Variants in XPO4 observed in about 807,000 individuals in gnomAD.
XPO4 encodes exportin-4.
In XPO4, 39 loss-of-function variants were observed where a neutral mutation model predicts 143.0. The ratio of observed to expected loss-of-function variants is 0.27; its 90% CI spans 0.21 to 0.36. The LOEUF (loss-of-function observed/expected upper bound fraction) is 0.36. Ranked by LOEUF, XPO4 falls within the 10% of genes least tolerant of loss-of-function variation. XPO4 has a pLI of 1.00. For synonymous variants in XPO4, 439 were observed against 474.0 expected, an observed-to-expected ratio of 0.93 and a Z score of 0.96; for missense variants, 907 against 1,348.0, an observed-to-expected ratio of 0.67 and a Z score of 5.12.
intron 7 of XPO4, among the ~76,000 whole-genome samples, chr13:20,823,812 T>C (rs2059750800): frequency 1.3e-5 from 2 of 152,112 alleles, no homozygotes; most frequent in African/African-American, 2.4e-5. Context: ...CCACGGCGCC[T>C]GGCTAATTTT....
chr13:20,792,225 C>A (rs1324903585), intron 18 of XPO4, among the ~76,000 whole-genome samples: 1 of 152,136 alleles, frequency 6.6e-6, no homozygotes, highest in Non-Finnish European at 1.5e-5. Flanking sequence ...GTGGGCAGAT[C>A]CCCTGAGGCC....
chr13:20,785,816 GAAGA>G (rs2059193632), intron 22 of XPO4, among the ~76,000 whole-genome samples: 1 of 137,160 alleles, frequency 7.3e-6, no homozygotes. Context: ...AGGAAGGAAG[GAAGA>G]AAGGAAGGGA....
intron 1 of XPO4, among the ~76,000 whole-genome samples, chr13:20,877,990 A>AG (rs2060368827): frequency 6.6e-6 from 1 of 152,194 alleles, no homozygotes; most frequent in Non-Finnish European, 1.5e-5. Flanking sequence ...TGAGGTCAGG[A>AG]GCTCAAGACC....
At chr13:20,835,932 A>G (rs1448048685) in intron 6 of XPO4, among the ~76,000 whole-genome samples, 1 of 152,162 alleles carries the variant, frequency 6.6e-6, no homozygotes, top group East Asian at 1.9e-4. Flanking sequence ...TGAACACTAA[A>G]TATCATTTAT....
At chr13:20,824,971 T>G (rs1385880856) in intron 7 of XPO4, among the ~76,000 whole-genome samples, 3 of 152,208 alleles carry the variant, frequency 2.0e-5, no homozygotes, top group Non-Finnish European at 2.9e-5. Flanking sequence ...AGGAGTCATC[T>G]GGGAACCGGT....
intron 4 of XPO4, among the ~76,000 whole-genome samples, chr13:20,854,402 C>T (rs1042597905): frequency 6.6e-6 from 1 of 152,152 alleles, no homozygotes; most frequent in African/African-American, 2.4e-5. Context: ...TCCTAAAATA[C>T]ACCACAGCAT....
chr13:20,795,618 G>A (rs1369976894), intron 18 of XPO4, among the ~76,000 whole-genome samples: 5 of 152,148 alleles, frequency 3.3e-5, no homozygotes, highest in Non-Finnish European at 7.4e-5. Flanking sequence ...AAGTGCTAGG[G>A]TTTCTGGGGT....
chr13:20,849,477 C>T (rs775916492), intron 4 of XPO4: 327 of 984,534 alleles, frequency 3.3e-4, no homozygotes, highest in Non-Finnish European at 3.8e-4. Flanking sequence ...AAAATTTTAG[C>T]TTAAAATAAA....
In XPO4 at chr13:20,778,674, C is replaced by G. The variant is rs1374535922; in HGVS notation, c.*5048G>C. 6.6e-6 allele frequency: 1 copy of G among 152,136 alleles called. No individual in the cohort carries two copies. Among genetic ancestry groups the G allele is most frequent in the Admixed American group, 6.5e-5 (1 of 15,282 alleles). The allele number at this position is 152,136 out of a possible 1,614,324, so 9.4% of individuals were successfully genotyped here. On this transcript the variant is annotated 3_prime_UTR_variant, in exon 23 of 23. Coordinates refer to ENST00000255305, the MANE Select transcript of XPO4 (RefSeq NM_022459.5). The stretch of plus-strand genomic sequence containing the variant: ...GGATATTCTGTGAGTACCACGGGTT[C>G]TCCCAGAAGGTGATGCAAATCTTGA...
intron 2 of XPO4, among the ~76,000 whole-genome samples, chr13:20,864,499 T>G (rs2060227702): frequency 6.6e-6 from 1 of 152,056 alleles, no homozygotes; most frequent in Non-Finnish European, 1.5e-5. Context: ...CTAAATCAAT[T>G]CCTCCATTTT....
intron 3 of XPO4, 70 bp downstream of exon 3, chr13:20,862,646 CA>C (rs1409156696): frequency 1.6e-5 from 25 of 1,583,800 alleles, no homozygotes; most frequent in South Asian, 1.4e-4. Flanking sequence ...AAAATGCAAA[CA>C]AAAAAAGCTC....
chr13:20,852,396 C>G (rs2060097978), intron 4 of XPO4: 1 of 985,264 alleles, frequency 1.0e-6, no homozygotes. Flanking sequence ...CTATTTTTAT[C>G]TAAGTATATC....
At chr13:20,814,656 C>T (rs11842583) in intron 9 of XPO4, among the ~76,000 whole-genome samples, 9,096 of 152,320 alleles carry the variant, frequency 0.06, 686 homozygotes, top group African/African-American at 0.18. Flanking sequence ...GGCAGCAGCA[C>T]GTGCACAGAG....
intron 2 of XPO4, chr13:20,865,608 GA>G (rs1196363625): frequency 1.0e-6 from 1 of 956,950 alleles, no homozygotes; most frequent in African/African-American, 1.8e-5. Flanking sequence ...TCAGCCATCT[GA>G]AACTAAACAG....
At chr13:20,822,042 G>T in intron 8 of XPO4, 90 bp downstream of exon 8, 1 of 1,455,608 alleles carries the variant, frequency 6.9e-7, no homozygotes, top group Non-Finnish European at 9.2e-7. Flanking sequence ...AAATATAAGG[G>T]GGAAAAAATA....
rs1451421885 is a variant in XPO4 at position 20,783,886 on chromosome 13, A to G, written c.3292T>C (p.Ser1098Pro). The G allele has an allele frequency of 6.8e-6, 11 of 1,614,200 alleles. No individual in the cohort carries two copies. Among genetic ancestry groups the G allele is most frequent in the Non-Finnish European group, 9.3e-6 (11 of 1,180,032 alleles). ...EYSELVETLLSSQQDPVIYQR... is the reference protein window; with the variant it reads ...EYSELVETLLPSQQDPVIYQR... Reference sequence around the variant, plus strand: ...TAAATAACTGGGTCTTGCTGACTTGATAGTAATGTTTCGACCAGTTCAGAA... The same window carrying G: ...TAAATAACTGGGTCTTGCTGACTTGGTAGTAATGTTTCGACCAGTTCAGAA... The change falls in exon 23 of 23, where the codon TCA becomes CCA. Residue 1098 changes from serine (S) to proline (P), a missense_variant. Coordinates refer to ENST00000255305, the MANE Select transcript of XPO4 (RefSeq NM_022459.5).
intron 9 of XPO4, among the ~76,000 whole-genome samples, chr13:20,811,092 G>C (rs1434765789): frequency 6.6e-6 from 1 of 152,096 alleles, no homozygotes; most frequent in African/African-American, 2.4e-5. Context: ...GAATGAGCCT[G>C]GCATTTATAT....
At chr13:20,854,964 T>C (rs137982369) in intron 4 of XPO4, among the ~76,000 whole-genome samples, 2 of 152,330 alleles carry the variant, frequency 1.3e-5, no homozygotes, top group African/African-American at 2.4e-5. Context: ...CACTTCTGTA[T>C]TCACTAGTAG....
intron 1 of XPO4, among the ~76,000 whole-genome samples, chr13:20,896,922 AG>A (rs2060575292): frequency 6.6e-6 from 1 of 152,226 alleles, no homozygotes; most frequent in South Asian, 2.1e-4. Context: ...ACTGCCTTTT[AG>A]GCATCTATGG....
Sources: gnomAD v4.1 joint callset for allele counts (sites outside exome capture counted in the v4.1 genomes callset) on GRCh38, gnomAD v4.1.1 for gene constraint, MANE v1.5 for transcripts, NCBI Gene and HGNC (gene_info 2026-07-23, HGNC 2026-07-21) for gene names.